Variants in ATP2C1 observed in about 807,000 individuals in gnomAD.
ATP2C1 encodes the protein calcium-transporting ATPase type 2C member 1.
In ATP2C1, 31 loss-of-function variants were observed where a neutral mutation model predicts 120.5. The ratio of observed to expected loss-of-function variants is 0.26; its 90% CI spans 0.19 to 0.35. ATP2C1 has a LOEUF of 0.35. Among genes scored for constraint, ATP2C1 ranks in the 10% least tolerant of loss-of-function variants. The probability of loss-of-function intolerance (pLI) is 1.00; values close to 1 mark genes in which losing one functional copy is unlikely to be tolerated. For synonymous variants in ATP2C1, 351 were observed against 358.7 expected, an observed-to-expected ratio of 0.98 and a Z score of 0.24; for missense variants, 731 against 1,107.5, an observed-to-expected ratio of 0.66 and a Z score of 4.83.
chr3:130,905,779 C>T (rs546367955), intron 2 of ATP2C1, among the ~76,000 whole-genome samples: 6 of 152,166 alleles, frequency 3.9e-5, no homozygotes, highest in South Asian at 2.1e-4. Context: ...AGGTTGGGTA[C>T]AGCTGTAATT....
chr3:130,865,822 T>C lies in ATP2C1; in HGVS notation c.108+14894T>C, dbSNP rs77142227. On this transcript the variant is annotated intron_variant, in intron 1 of 26. Transcript: ENST00000504381. Reference sequence around the variant, plus strand: ...CTCTTTTTTATCCCAGTCTTGGGGATGTCTTTCAGCAGCATCAAAACAGAC... The same window carrying C: ...CTCTTTTTTATCCCAGTCTTGGGGACGTCTTTCAGCAGCATCAAAACAGAC... Among the ~76,000 whole-genome samples, 688 of 152,346 alleles carry C rather than the reference T, an allele frequency of 4.5e-3. 4 individuals are homozygous for C. Among genetic ancestry groups the C allele is most frequent in the African/African-American group, 0.015 (625 of 41,578 alleles).
Position 131,001,792 on chromosome 3 carries a change from G to T in ATP2C1, c.*442G>T. On this transcript the variant is annotated 3_prime_UTR_variant, in exon 28 of 28. Coordinates refer to ENST00000510168, the MANE Select transcript of ATP2C1 (RefSeq NM_001378687.1). ...TTTCAAAGGCATTCTATTTGGTTTAGAAGTTGATTCCCAGGAGTGCCATAT... is the reference window on the plus strand; with the variant it reads ...TTTCAAAGGCATTCTATTTGGTTTATAAGTTGATTCCCAGGAGTGCCATAT... 1.0e-6 allele frequency: 1 copy of T among 985,644 alleles called. No homozygotes were observed. The highest frequency in any genetic ancestry group is 1.2e-6 in the Non-Finnish European group (1 of 829,818). 61.1% of individuals were successfully genotyped at this position (985,644 alleles called of 1,614,324 possible).
intron 2 of ATP2C1, chr3:130,918,209 G>A: frequency 7.5e-7 from 1 of 1,327,966 alleles, no homozygotes; most frequent in Non-Finnish European, 1.1e-6. Flanking sequence ...CTTGGTTCTG[G>A]GTTTACACCT....
At chr3:131,008,274 A>G (rs2063191405) in intron 26 of ATP2C1, among the ~76,000 whole-genome samples, 1 of 152,084 alleles carries the variant, frequency 6.6e-6, no homozygotes, top group Admixed American at 6.5e-5. Flanking sequence ...TAAAAATACA[A>G]AAATCTGTAG....
At chr3:130,884,930 C>CTTTTTTT (rs35931105) in intron 1 of ATP2C1, among the ~76,000 whole-genome samples, 5 of 120,856 alleles carry the variant, frequency 4.1e-5, no homozygotes, top group African/African-American at 9.4e-5. Flanking sequence ...TCTTTTCTTT[C>CTTTTTTT]TTTTTTTTTT....
upstream of ATP2C1, among the ~76,000 whole-genome samples, chr3:130,890,828 TTATCTTA>T (rs141827148): frequency 3.3e-3 from 504 of 152,340 alleles, 4 homozygotes; most frequent in East Asian, 0.059. Flanking sequence ...AGCATGTCCT[TTATCTTA>T]TAAGAAGAAA....
intron 8 of ATP2C1, among the ~76,000 whole-genome samples, chr3:130,942,712 A>G (rs1411306251): frequency 6.6e-6 from 1 of 152,202 alleles, no homozygotes; most frequent in Non-Finnish European, 1.5e-5. Flanking sequence ...ATAATATTGC[A>G]AGTGTTACTA....
intron 2 of ATP2C1, among the ~76,000 whole-genome samples, chr3:130,927,018 C>A (rs1483941926): frequency 6.6e-6 from 1 of 152,176 alleles, no homozygotes; most frequent in East Asian, 1.9e-4. Context: ...GTCTGCTTGC[C>A]ACATCAGATC....
At position 130,940,682 on chromosome 3, in the gene ATP2C1, A is replaced by C. The variant is rs145930763; in HGVS notation, c.413A>C (p.Glu138Ala). ...LEELSKLVPP[E>A]CHCVREGKLE... ...GAATTGAGTAAACTTGTGCCACCAG[A>C]ATGCCATTGGTATGATCCTTTTTTT... The change falls in exon 7 of 28, where the codon GAA becomes GCA. Residue 138 changes from glutamate to alanine, a missense_variant. Glu to Ala is a moderately radical substitution (Grantham distance 107, BLOSUM62 -1). Coordinates refer to ENST00000510168, the MANE Select transcript of ATP2C1 (RefSeq NM_001378687.1). 9.9e-6 allele frequency: 16 copies of C among 1,611,988 alleles called. No homozygotes were observed. Among genetic ancestry groups the C allele is most frequent in the Non-Finnish European group, 1.3e-5 (15 of 1,178,370 alleles).
At chr3:130,941,223 A>AGT (rs71774561) in intron 7 of ATP2C1, among the ~76,000 whole-genome samples, 3,035 of 144,352 alleles carry the variant, frequency 0.021, 50 homozygotes, top group East Asian at 0.085. Flanking sequence ...TGTATTTAAC[A>AGT]GTGTGTGTGT....
chr3:130,853,193 A>T (rs2067730168), intron 1 of ATP2C1, among the ~76,000 whole-genome samples: 1 of 152,228 alleles, frequency 6.6e-6, no homozygotes, highest in Admixed American at 6.5e-5. Flanking sequence ...TAATAAAAGC[A>T]AAACAGTATT....
chr3:130,911,102 A>G (rs1049684785), intron 2 of ATP2C1, among the ~76,000 whole-genome samples: 6 of 151,460 alleles, frequency 4.0e-5, no homozygotes, highest in Admixed American at 2.0e-4. Flanking sequence ...TTGGTAAACT[A>G]TTGATTATTG....
At chr3:130,969,266 A>G in intron 16 of ATP2C1, 26 bp from the exon 17 acceptor site, 1 of 1,520,032 alleles carries the variant, frequency 6.6e-7, no homozygotes, top group East Asian at 2.3e-5. Context: ...ATAGGTGAGA[A>G]TTAACTTTCT....
intron 26 of ATP2C1, among the ~76,000 whole-genome samples, chr3:131,012,266 T>TC (rs1325017329): frequency 4.8e-5 from 7 of 147,302 alleles, no homozygotes; most frequent in African/African-American, 1.5e-4. Context: ...TTTTCTTTTT[T>TC]TTTTTTTTTT....
At chr3:130,992,520 CTG>C (rs1252715886) in intron 20 of ATP2C1, among the ~76,000 whole-genome samples, 1 of 152,150 alleles carries the variant, frequency 6.6e-6, no homozygotes, top group Non-Finnish European at 1.5e-5. Context: ...ACACTTGACA[CTG>C]TAAAAAATGG....
At chr3:130,865,017 G>A (rs1221303692) in intron 1 of ATP2C1, among the ~76,000 whole-genome samples, 6 of 152,046 alleles carry the variant, frequency 3.9e-5, no homozygotes, top group Non-Finnish European at 5.9e-5. Flanking sequence ...AGCTTGCACC[G>A]TGCTCCTAGA....
intron 26 of ATP2C1, among the ~76,000 whole-genome samples, chr3:131,009,361 A>C (rs149252631): frequency 5.9e-5 from 9 of 152,332 alleles, no homozygotes; most frequent in African/African-American, 1.9e-4. Context: ...ATATAAAAAT[A>C]TATTTATATT....
chr3:130,940,772 C>G (rs902060291), intron 7 of ATP2C1, 81 bp downstream of exon 7: 17 of 1,076,966 alleles, frequency 1.6e-5, no homozygotes, highest in Non-Finnish European at 2.1e-5. Context: ...ATATTGTTAT[C>G]CCCACTTTGT....
intron 1 of ATP2C1, among the ~76,000 whole-genome samples, chr3:130,871,167 G>A (rs575979751): frequency 1.3e-5 from 2 of 152,242 alleles, no homozygotes; most frequent in South Asian, 2.1e-4. Context: ...CATAAATTTT[G>A]TATGCACTGG....
Sources: allele counts gnomAD v4.1 joint callset (sites outside exome capture counted in the v4.1 genomes callset), GRCh38; gene constraint gnomAD v4.1.1; transcripts MANE v1.5; gene names NCBI Gene and HGNC (gene_info 2026-07-23, HGNC 2026-07-21).